The following CAPN13 variants were observed in gnomAD, a reference collection of about 807,000 sequenced individuals.
The protein encoded by CAPN13 is calpain 13.
A neutral mutation model predicts 98.4 loss-of-function variants in CAPN13; 90 were observed. The observed-to-expected ratio is 0.92, with a 90% CI of 0.77 to 1.09. CAPN13 has a LOEUF of 1.09. CAPN13 is among the 50% of genes least tolerant of loss of function. The pLI is 0.00. For missense variants in CAPN13, 887 were observed against 841.3 expected (o/e 1.05, Z -0.67); for synonymous variants, 330 against 305.5 (o/e 1.08, Z -0.84).
In CAPN13 at chr2:30,770,374, C is replaced by G. The variant is rs776962302; in HGVS notation, c.463G>C (p.Val155Leu). 3 of 1,614,002 alleles carry G rather than the reference C, an allele frequency of 1.9e-6. No individual in the cohort carries two copies. The highest frequency in any genetic ancestry group is 2.5e-6 in the Non-Finnish European group (3 of 1,179,872). The change falls in exon 5 of 23, where the codon GTG (valine) becomes CTG (leucine). Residue 155 changes from valine to leucine, a missense_variant. Transcript: ENST00000295055. ...LPVQGDKCLF[V>L]RPRHQNQEFW... The stretch of plus-strand genomic sequence containing the variant: ...TCTTGGTTTTGGTGGCGAGGACGCA[C>G]AAAGAGGCATTTATCTCCCTGGACA...
intron 3 of CAPN13, 82 bp from the exon 4 acceptor site, chr2:30,776,127 A>G: frequency 1.2e-6 from 1 of 836,698 alleles, no homozygotes. Context: ...CCTTACCACC[A>G]GAGGCTACAC....
chr2:30,749,430 A>T (rs1314671579), intron 11 of CAPN13, among the ~76,000 whole-genome samples: 1 of 152,198 alleles, frequency 6.6e-6, no homozygotes, highest in East Asian at 1.9e-4. Context: ...AACCACAGCC[A>T]ATGCATAGGA....
At chr2:30,766,113 C>G (rs1416634416) in intron 5 of CAPN13, among the ~76,000 whole-genome samples, 1 of 152,222 alleles carries the variant, frequency 6.6e-6, no homozygotes, top group Non-Finnish European at 1.5e-5. Context: ...GGAACCCATT[C>G]CCCACCAGTG....
intron 1 of CAPN13, among the ~76,000 whole-genome samples, chr2:30,796,756 T>C (rs893080449): frequency 6.6e-6 from 1 of 152,178 alleles, no homozygotes; most frequent in African/African-American, 2.4e-5. Flanking sequence ...ATTTTGAAAA[T>C]ATTTTGTACG....
intron 2 of CAPN13, among the ~76,000 whole-genome samples, chr2:30,785,661 A>G (rs752648985): frequency 6.6e-6 from 1 of 152,144 alleles, no homozygotes; most frequent in African/African-American, 2.4e-5. Context: ...GATAATTAGA[A>G]TCTCTCAATC....
rs552208992 is a variant in CAPN13 at position 30,751,210 on chromosome 2, C to T, written c.1129G>A (p.Glu377Lys). Residue 377 changes from glutamate (E) to lysine (K), a missense_variant, in exon 11 of 23, where the codon GAG (glutamate) becomes AAG (lysine). Physicochemically the swap from Glu to Lys is moderately conservative, Grantham distance 56. Transcript: ENST00000295055. ...NDAQFNFSVQ[E>K]PMEGTNVVVC... ...ACAACATTGGTGCCTTCCATTGGCT[C>T]TTGCACAGAGAAGTTGAATTGAGCA... The T allele has an allele frequency of 5.6e-6, 9 of 1,614,020 alleles. No homozygotes were observed. The African/African-American group carries it at 1.2e-4, about 22-fold the overall frequency.
At chr2:30,764,658 G>A (rs1673022019) in intron 5 of CAPN13, among the ~76,000 whole-genome samples, 1 of 152,140 alleles carries the variant, frequency 6.6e-6, no homozygotes, top group African/African-American at 2.4e-5. Flanking sequence ...AGCTTCATGG[G>A]GCTATGTTCC....
chr2:30,743,150 C>A, intron 13 of CAPN13: 2 of 555,900 alleles, frequency 3.6e-6, no homozygotes, highest in Non-Finnish European at 6.4e-6. Flanking sequence ...TCCTCCCGTG[C>A]CACTTTGCAT....
chr2:30,783,345 T>C (rs1013272260), intron 2 of CAPN13, among the ~76,000 whole-genome samples: 8 of 152,096 alleles, frequency 5.3e-5, no homozygotes, highest in Non-Finnish European at 1.0e-4. Context: ...TCAGTGCCAT[T>C]TGCACAGGGC....
intron 2 of CAPN13, among the ~76,000 whole-genome samples, chr2:30,782,844 TG>T (rs1674062377): frequency 1.3e-5 from 2 of 152,256 alleles, no homozygotes; most frequent in Non-Finnish European, 2.9e-5. Context: ...TCTACCATCG[TG>T]TACTGTCCAA....
chr2:30,777,398 CT>C (rs1349499874), intron 3 of CAPN13, among the ~76,000 whole-genome samples, 168 bp downstream of exon 3: 2 of 152,232 alleles, frequency 1.3e-5, no homozygotes, highest in East Asian at 1.9e-4. Context: ...TTCCTGTCTC[CT>C]TTTCCCCTGC....
chr2:30,726,742 C>A (rs147043883), intron 22 of CAPN13, among the ~76,000 whole-genome samples: 3 of 151,922 alleles, frequency 2.0e-5, no homozygotes, highest in Admixed American at 1.3e-4. Context: ...AATGAAGAGA[C>A]GCATGGAACA....
At chr2:30,804,671 G>C (rs1352966078) in intron 1 of CAPN13, among the ~76,000 whole-genome samples, 3 of 152,154 alleles carry the variant, frequency 2.0e-5, no homozygotes, top group Non-Finnish European at 4.4e-5. Context: ...AGAGTCCCAA[G>C]GGTGGTAGAA....
At chr2:30,739,784 TGAG>T (rs1671559948) in intron 15 of CAPN13, among the ~76,000 whole-genome samples, 1 of 152,168 alleles carries the variant, frequency 6.6e-6, no homozygotes, top group African/African-American at 2.4e-5. Context: ...CAAAAGAGTC[TGAG>T]GAGATGAGGG....
intron 12 of CAPN13, among the ~76,000 whole-genome samples, chr2:30,744,673 C>CT (rs1470637613): frequency 1.3e-5 from 2 of 152,184 alleles, no homozygotes; most frequent in African/African-American, 4.8e-5. Flanking sequence ...GTCCAGGCTC[C>CT]TGATCCTTCA....
intron 19 of CAPN13, 89 bp from the exon 20 acceptor site, chr2:30,732,655 GC>G: frequency 6.7e-7 from 1 of 1,497,750 alleles, no homozygotes. Flanking sequence ...TGTTCAGAGG[GC>G]CCGGCCACCT....
At chr2:30,752,821 C>G (rs1036499158) in intron 10 of CAPN13, among the ~76,000 whole-genome samples, 2 of 152,234 alleles carry the variant, frequency 1.3e-5, no homozygotes, top group Admixed American at 6.5e-5. Context: ...GATATTGGCA[C>G]AGCATGGAGG....
At chr2:30,751,485 A>G (rs1672174944) in intron 10 of CAPN13, among the ~76,000 whole-genome samples, 1 of 152,204 alleles carries the variant, frequency 6.6e-6, no homozygotes, top group Admixed American at 6.5e-5. Flanking sequence ...TGTGAAAAAT[A>G]TTTCTTAAAC....
At chr2:30,727,105 A>C (rs1670883872) in intron 22 of CAPN13, among the ~76,000 whole-genome samples, 1 of 152,202 alleles carries the variant, frequency 6.6e-6, no homozygotes, top group South Asian at 2.1e-4. Flanking sequence ...TAGTTTTTTC[A>C]GCAACTGGTG....
Sources: gnomAD v4.1 joint callset for allele counts (sites outside exome capture counted in the v4.1 genomes callset) on GRCh38, gnomAD v4.1.1 for gene constraint, MANE v1.5 for transcripts, NCBI Gene and HGNC (gene_info 2026-07-23, HGNC 2026-07-21) for gene names.